The following ELMOD3 variants were observed in gnomAD, a reference collection of about 807,000 sequenced individuals.
ELMOD3 encodes ELMO domain-containing protein 3.
ELMOD3 carries 36 observed loss-of-function variants against 47.4 expected under a neutral mutation model. The observed-to-expected ratio is 0.76, with a 90% CI of 0.58 to 1.00. ELMOD3 has a LOEUF of 1.00. Among genes scored for constraint, ELMOD3 ranks in the 50% least tolerant of loss-of-function variants. The pLI, the probability that ELMOD3 is intolerant of heterozygous loss-of-function variation, is 0.00. For missense variants in ELMOD3, 404 were observed against 463.8 expected, an observed-to-expected ratio of 0.87 and a Z score of 1.18; for synonymous variants, 149 against 183.5, an observed-to-expected ratio of 0.81 and a Z score of 1.52.
chr2:85,380,278 T>C (rs1172695632), intron 11 of ELMOD3, among the ~76,000 whole-genome samples: 1 of 152,196 alleles, frequency 6.6e-6, no homozygotes, highest in Non-Finnish European at 1.5e-5. Context: ...TGTTAAAAGC[T>C]GTCAATAGCT....
chr2:85,383,298 T>G (rs1013800838), intron 11 of ELMOD3, among the ~76,000 whole-genome samples: 5 of 151,514 alleles, frequency 3.3e-5, no homozygotes, highest in African/African-American at 7.3e-5. Flanking sequence ...CTGGCTAACT[T>G]TTGTATTTTT....
chr2:85,357,123 G>T lies in ELMOD3; in HGVS notation c.-76G>T. 1 of 1,010,824 alleles carries T rather than the reference G, an allele frequency of 9.9e-7. No individual in the cohort carries two copies. The highest frequency in any genetic ancestry group is 1.5e-6 in the Non-Finnish European group (1 of 662,662). 62.6% of individuals were successfully genotyped at this position (1,010,824 alleles called of 1,614,324 possible). ...AACTGGATCTCTGGCTCTCCACATA[G>T]CTTCTGATCTCAGACCTTACTAAAA... On this transcript the variant is annotated 5_prime_UTR_variant, in exon 4 of 14. Transcript: ENST00000409013.
At chr2:85,358,180 G>A (rs775303190) in intron 4 of ELMOD3, among the ~76,000 whole-genome samples, 3 of 151,058 alleles carry the variant, frequency 2.0e-5, no homozygotes, top group Non-Finnish European at 4.4e-5. Context: ...TCAGGAAGCT[G>A]AGGCAAGAGA....
intron 8 of ELMOD3, 29 bp downstream of exon 8, chr2:85,369,859 A>C: frequency 6.2e-7 from 1 of 1,610,888 alleles, no homozygotes; most frequent in Non-Finnish European, 8.5e-7. Flanking sequence ...TTGGAGTCTC[A>C]AGCAAAGTGC....
At chr2:85,383,254 G>A (rs918528009) in intron 11 of ELMOD3, among the ~76,000 whole-genome samples, 1 of 150,818 alleles carries the variant, frequency 6.6e-6, no homozygotes, top group Non-Finnish European at 1.5e-5. Flanking sequence ...TCAGTCTTCT[G>A]AGTAGCTGGG....
chr2:85,371,701 A>G, intron 10 of ELMOD3, 139 bp downstream of exon 10: 1 of 1,327,034 alleles, frequency 7.5e-7, no homozygotes, highest in Non-Finnish European at 1.0e-6. Flanking sequence ...CAGCAAATGC[A>G]AAAGCCCTGA....
intron 4 of ELMOD3, chr2:85,357,509 A>G: frequency 2.9e-6 from 1 of 344,072 alleles, no homozygotes; most frequent in Non-Finnish European, 5.3e-6. Context: ...ATCACCCAAG[A>G]AATCTGTATT....
chr2:85,371,395 C>T (rs1295992647), intron 9 of ELMOD3, 45 bp from the exon 10 acceptor site: 3 of 1,612,018 alleles, frequency 1.9e-6, no homozygotes, highest in Non-Finnish European at 2.5e-6. Context: ...CCGGTTCTCC[C>T]ATGAGGGGCA....
At position 85,356,990 on chromosome 2, in the gene ELMOD3, A is replaced by T; in HGVS notation, c.-209A>T. On this transcript the variant is annotated 5_prime_UTR_variant, in exon 4 of 14. Coordinates refer to ENST00000409013, the MANE Select transcript of ELMOD3 (RefSeq NM_001135022.2). ...AGAGCTGAGGCTTCGAAGACCTCAG[A>T]GGACTTCTCTCAGCACTCACAGAAA... 3 of 456,552 alleles carry T rather than the reference A, an allele frequency of 6.6e-6. No individual in the cohort carries two copies. Among genetic ancestry groups the T allele is most frequent in the Non-Finnish European group, 1.2e-5 (3 of 257,516 alleles). The allele number at this position is 456,552 out of a possible 1,614,324, so 28.3% of individuals were successfully genotyped here. A position where few individuals can be genotyped will look rare whatever the true frequency, so the allele number is the denominator to read the frequency against.
chr2:85,373,768 C>T (rs59321626), intron 10 of ELMOD3, among the ~76,000 whole-genome samples: 3,575 of 145,670 alleles, frequency 0.025, 144 homozygotes, highest in African/African-American at 0.085. Flanking sequence ...GAACCCAGGA[C>T]GTGGAGGTTG....
At chr2:85,371,757 G>A (rs1218003082) in intron 10 of ELMOD3, 195 bp downstream of exon 10, 1 of 671,376 alleles carries the variant, frequency 1.5e-6, no homozygotes, top group Non-Finnish European at 2.4e-6. Context: ...GAGTAGGTCG[G>A]GCGTGGTGGC....
In ELMOD3 at chr2:85,391,057, G is replaced by A; in HGVS notation, c.*95G>A. On this transcript the variant is annotated 3_prime_UTR_variant, in exon 14 of 14. Coordinates refer to ENST00000409013, the MANE Select transcript of ELMOD3 (RefSeq NM_001135022.2). Reference sequence around the variant, plus strand: ...GGAGCCTGGCCAGGCCGCACCCCTTGCTGTCTCAGCAGATGGGATATAGGA... The same window carrying A: ...GGAGCCTGGCCAGGCCGCACCCCTTACTGTCTCAGCAGATGGGATATAGGA... 8.1e-7 allele frequency: 1 copy of A among 1,241,390 alleles called. No homozygotes were observed. The highest frequency in any genetic ancestry group is 1.1e-6 in the Non-Finnish European group (1 of 895,410). The allele number at this position is 1,241,390 out of a possible 1,614,324, so 76.9% of individuals were successfully genotyped here. A position where few individuals can be genotyped will look rare whatever the true frequency, so the allele number is the denominator to read the frequency against.
intron 11 of ELMOD3, among the ~76,000 whole-genome samples, chr2:85,386,381 CTTTTTTTTT>C (rs570387148): frequency 1.6e-5 from 1 of 62,456 alleles, no homozygotes; most frequent in East Asian, 5.7e-4. Context: ...GATACGTAGG[CTTTTTTTTT>C]TTTTTTTTTT....
rs1028904006 is a variant in ELMOD3, at chr2:85,391,259, A to G, written c.*297A>G. On this transcript the variant is annotated 3_prime_UTR_variant, in exon 14 of 14. Coordinates refer to ENST00000409013, the MANE Select transcript of ELMOD3 (RefSeq NM_001135022.2). ...AGTGTATCCCACTGGGAGTGAATGGATCATGAGGTGGGATGGCCCCATCTG... is the reference window on the plus strand; with the variant it reads ...AGTGTATCCCACTGGGAGTGAATGGGTCATGAGGTGGGATGGCCCCATCTG... 5 of 319,440 alleles carry G rather than the reference A, an allele frequency of 1.6e-5. No individual in the cohort carries two copies. The highest frequency in any genetic ancestry group is 9.0e-4 in the Middle Eastern group (1 of 1,110). The allele number at this position is 319,440 out of a possible 1,614,324, so 19.8% of individuals were successfully genotyped here.
intron 11 of ELMOD3, among the ~76,000 whole-genome samples, chr2:85,382,425 G>A (rs546465163): frequency 2.0e-5 from 3 of 148,484 alleles, no homozygotes; most frequent in African/African-American, 5.0e-5. Context: ...GCAACAGAGC[G>A]AGATTCTGTC....
At chr2:85,365,619 A>G (rs1427447509) in intron 6 of ELMOD3, among the ~76,000 whole-genome samples, 1 of 152,154 alleles carries the variant, frequency 6.6e-6, no homozygotes, top group Admixed American at 6.5e-5. Flanking sequence ...ATTCCAAGAG[A>G]AAAGGAGAAG....
At chr2:85,382,327 T>C (rs1443100453) in intron 11 of ELMOD3, among the ~76,000 whole-genome samples, 2 of 147,332 alleles carry the variant, frequency 1.4e-5, no homozygotes, top group Non-Finnish European at 3.0e-5. Flanking sequence ...TAGTCCCAGC[T>C]ACTCAGAGGC....
chr2:85,362,956 G>T lies in ELMOD3; in HGVS notation c.130-141G>T, dbSNP rs147284271. 8.6e-4 allele frequency: 476 copies of T among 550,448 alleles called. 3 individuals carry two copies. In the African/African-American group the frequency reaches 8.7e-3, roughly 10 times the overall value. The allele number at this position is 550,448 out of a possible 1,614,324, so 34.1% of individuals were successfully genotyped here. On this transcript the variant is annotated intron_variant, in intron 5 of 13. Transcript: ENST00000409013. ...ATAAAAAGTAAAAGAAAATAAAACT[G>T]ACTTCAGTCAACCCATCAGGGCACA...
At chr2:85,357,338 G>A (rs1683634673) in intron 4 of ELMOD3, 86 bp downstream of exon 4, 1 of 915,896 alleles carries the variant, frequency 1.1e-6, no homozygotes, top group Admixed American at 2.6e-5. Context: ...GAGAATATTT[G>A]GAAAAATTTA....
Sources: allele counts gnomAD v4.1 joint callset (sites outside exome capture counted in the v4.1 genomes callset), GRCh38; gene constraint gnomAD v4.1.1; transcripts MANE v1.5; gene names NCBI Gene and HGNC (gene_info 2026-07-23, HGNC 2026-07-21).